The following MMP24 variants were observed in gnomAD, a reference collection of about 807,000 sequenced individuals.
MMP24 encodes the protein matrix metallopeptidase 24.
MMP24 carries 25 observed loss-of-function variants against 62.8 expected under a neutral mutation model. That is an observed-to-expected ratio of 0.40 (90% CI 0.29 to 0.56). The LOEUF (loss-of-function observed/expected upper bound fraction) is 0.56. Ranked by LOEUF, MMP24 falls within the 20% of genes least tolerant of loss-of-function variation. MMP24 has a pLI of 0.50. For missense variants in MMP24, 634 were observed against 853.6 expected, an observed-to-expected ratio of 0.74 and a Z score of 3.21; for synonymous variants, 319 against 350.5, an observed-to-expected ratio of 0.91 and a Z score of 1.00.
At chr20:35,263,016 CA>C (rs1368507498) in intron 4 of MMP24, 1 of 152,208 alleles carries the variant, frequency 6.6e-6, no homozygotes, top group African/African-American at 2.4e-5. Flanking sequence ...TAGTACATAA[CA>C]AAATGGAGTC....
In MMP24 at chr20:35,274,454, G is replaced by A. The variant is rs781019666; in HGVS notation, c.1783G>A (p.Asp595Asn). Residue 595 changes from aspartate to asparagine, a missense_variant, in exon 9 of 9, where the codon GAT becomes AAT. This residue lies in a region of MMP24 where 399 missense variants were observed against 530.8 expected (regional missense o/e 0.75). Coordinates refer to ENST00000246186, the MANE Select transcript of MMP24 (RefSeq NM_006690.4). This position sits in a 1 kb window ranked among gnomAD's most constrained non-coding sequence, Gnocchi z 5.1. ...CGTGGACATCATGGTGACCATCAAC[G>A]ATGTGCCGGGCTCCGTGAACGCCGT... The part of the protein sequence containing the change: ...DDVDIMVTIN[D>N]VPGSVNAVAV... 1.2e-4 allele frequency: 196 copies of A among 1,613,900 alleles called. No homozygotes were observed. The highest frequency in any genetic ancestry group is 1.6e-4 in the Non-Finnish European group (191 of 1,179,896).
chr20:35,239,251 A>C (rs1404257767), intron 1 of MMP24, among the ~76,000 whole-genome samples: 2 of 151,280 alleles, frequency 1.3e-5, no homozygotes, highest in Non-Finnish European at 2.9e-5. Context: ...GTTGGCCAGG[A>C]TGGTCTCGAT....
intron 1 of MMP24, chr20:35,236,338 C>G (rs966245996): frequency 6.6e-6 from 1 of 152,208 alleles, no homozygotes; most frequent in Non-Finnish European, 1.5e-5. Flanking sequence ...TTGAATAAGT[C>G]ATTTCCCCTC....
intron 4 of MMP24, among the ~76,000 whole-genome samples, chr20:35,256,980 T>C (rs1006079758): frequency 2.6e-5 from 4 of 152,202 alleles, no homozygotes; most frequent in African/African-American, 9.6e-5. Context: ...ATCCTGACTC[T>C]TGAGCTCAAA....
At chr20:35,268,920 A>G (rs1012267703) in intron 6 of MMP24, among the ~76,000 whole-genome samples, 64 of 152,162 alleles carry the variant, frequency 4.2e-4, no homozygotes, top group African/African-American at 4.1e-4. Flanking sequence ...CCAGCTACTC[A>G]GGAGGCTGAG....
chr20:35,230,714 C>T (rs892298860), intron 1 of MMP24, among the ~76,000 whole-genome samples: 1 of 152,156 alleles, frequency 6.6e-6, no homozygotes, highest in African/African-American at 2.4e-5. Context: ...AGAGATCACC[C>T]AGTACCTACT....
rs368699754 is a variant in MMP24, at chr20:35,269,348, C to G, written c.1195-412C>G. Reference sequence around the variant, plus strand: ...CTTGGCTTCCATGATCCTGGCCCTGCTGGATGGAGCCAGCCTCATGGAGGG... The same window carrying G: ...CTTGGCTTCCATGATCCTGGCCCTGGTGGATGGAGCCAGCCTCATGGAGGG... On this transcript the variant is annotated intron_variant, in intron 6 of 8. Coordinates refer to ENST00000246186, the MANE Select transcript of MMP24 (RefSeq NM_006690.4). The surrounding 1 kb of genome is among the most constrained non-coding windows in gnomAD (Gnocchi z 4.6). Among the ~76,000 whole-genome samples the G allele has an allele frequency of 1.3e-5, 2 of 152,346 alleles. No homozygotes were observed. Among genetic ancestry groups the G allele is most frequent in the East Asian group, 1.9e-4 (1 of 5,174 alleles).
At chr20:35,246,497 C>T (rs1391758876) in intron 1 of MMP24, among the ~76,000 whole-genome samples, 1 of 152,072 alleles carries the variant, frequency 6.6e-6, no homozygotes, top group Non-Finnish European at 1.5e-5. Context: ...AAGAATTAAC[C>T]ATGCTGTGCT....
intron 4 of MMP24, among the ~76,000 whole-genome samples, chr20:35,257,582 C>T (rs376357177): frequency 2.0e-5 from 3 of 152,294 alleles, no homozygotes; most frequent in East Asian, 1.9e-4. Context: ...CCCTCCCCTT[C>T]TGCCCAGCAC....
At chr20:35,265,843 T>C (rs1237040434) in intron 5 of MMP24, among the ~76,000 whole-genome samples, 1 of 152,072 alleles carries the variant, frequency 6.6e-6, no homozygotes, top group Non-Finnish European at 1.5e-5. Flanking sequence ...GGGGCTACTG[T>C]AGTGAACGAT....
rs1263976307 is a variant in MMP24 at position 35,262,675 on chromosome 20, G to A, written c.818-1116G>A. 3.4e-5 allele frequency: 5 copies of A among 146,870 alleles called. No individual in the cohort carries two copies. In the East Asian group the frequency reaches 5.8e-4, roughly 17 times the overall value. 9.1% of individuals were successfully genotyped at this position (146,870 alleles called of 1,614,324 possible). A position where few individuals can be genotyped will look rare whatever the true frequency, so the allele number is the denominator to read the frequency against. The stretch of plus-strand genomic sequence containing the variant: ...ATCCTCCTCAGCACAGACCCTTTAC[G>A]GGTGTCGGGCTGGGGGACAGTCAGG... On this transcript the variant is annotated intron_variant, in intron 4 of 8. Coordinates refer to ENST00000246186, the MANE Select transcript of MMP24 (RefSeq NM_006690.4).
Position 35,269,988 on chromosome 20 carries a change from G to A in MMP24, c.1333+90G>A, listed in dbSNP as rs1476331352. 5 of 1,486,024 alleles carry A rather than the reference G, an allele frequency of 3.4e-6. No homozygotes were observed. The African/African-American group carries it at 4.2e-5, about 12-fold the overall frequency. 92.1% of individuals were successfully genotyped at this position (1,486,024 alleles called of 1,614,324 possible). On this transcript the variant is annotated intron_variant, in intron 7 of 8. Coordinates refer to ENST00000246186, the MANE Select transcript of MMP24 (RefSeq NM_006690.4). This position sits in a 1 kb window ranked among gnomAD's most constrained non-coding sequence, Gnocchi z 4.6. Reference sequence around the variant, plus strand: ...TAAACTGGAAGAGGCGGGGTGGGAGGCAGATGTCCTCAGAGGGCCCCTCTA... The same window carrying A: ...TAAACTGGAAGAGGCGGGGTGGGAGACAGATGTCCTCAGAGGGCCCCTCTA...
At chr20:35,257,965 T>C (rs2060583060) in intron 4 of MMP24, among the ~76,000 whole-genome samples, 2 of 152,178 alleles carry the variant, frequency 1.3e-5, no homozygotes. Flanking sequence ...TATTATCTCG[T>C]TTAATTTCCA....
rs139707153 is a variant in MMP24 at position 35,269,390 on chromosome 20, A to C, written c.1195-370A>C. Among the ~76,000 whole-genome samples the C allele has an allele frequency of 4.5e-3, 689 of 152,292 alleles. 1 individual carries two copies. The highest frequency in any genetic ancestry group is 7.5e-3 in the Non-Finnish European group (512 of 68,020). ...CATGGAGGGCGCTCGGCCCAGGCTC[A>C]GTGACCACCCCAGCCTCCCACTGTC... On this transcript the variant is annotated intron_variant, in intron 6 of 8. Coordinates refer to ENST00000246186, the MANE Select transcript of MMP24 (RefSeq NM_006690.4). The surrounding 1 kb of genome is among the most constrained non-coding windows in gnomAD (Gnocchi z 4.6).
intron 2 of MMP24, among the ~76,000 whole-genome samples, chr20:35,249,864 A>G (rs1438761070): frequency 6.6e-6 from 1 of 151,964 alleles, no homozygotes; most frequent in Non-Finnish European, 1.5e-5. Flanking sequence ...AAGTGCTGGG[A>G]TTACAGGTGT....
intron 1 of MMP24, among the ~76,000 whole-genome samples, chr20:35,228,208 G>T (rs1854655339): frequency 6.6e-6 from 1 of 152,180 alleles, no homozygotes; most frequent in Non-Finnish European, 1.5e-5. Context: ...AAATTTGTAA[G>T]TGCAAATGTG....
chr20:35,272,629 C>T (rs952576114), intron 8 of MMP24, among the ~76,000 whole-genome samples: 5 of 152,194 alleles, frequency 3.3e-5, no homozygotes, highest in Admixed American at 2.6e-4. Context: ...TGTCTCCCCA[C>T]CAGCCTAGGA....
At chr20:35,235,262 T>C (rs1202042385) in intron 1 of MMP24, among the ~76,000 whole-genome samples, 1 of 151,936 alleles carries the variant, frequency 6.6e-6, no homozygotes, top group African/African-American at 2.4e-5. Flanking sequence ...AGATTAGCTG[T>C]GTATGGTGGC....
At chr20:35,236,476 T>C (rs991296972) in intron 1 of MMP24, among the ~76,000 whole-genome samples, 2 of 152,194 alleles carry the variant, frequency 1.3e-5, no homozygotes, top group Non-Finnish European at 2.9e-5. Context: ...TACGAATTAG[T>C]TATATAACTC....
Sources: gnomAD v4.1 joint callset for allele counts (sites outside exome capture counted in the v4.1 genomes callset) on GRCh38, gnomAD v4.1.1 for gene constraint, gnomAD v4.1.1 regional missense constraint, Gnocchi (gnomAD v3.1) non-coding constraint, MANE v1.5 for transcripts, NCBI Gene and HGNC (gene_info 2026-07-23, HGNC 2026-07-21) for gene names.